CPE: variants seen among roughly 807,000 people sequenced by gnomAD.
CPE encodes carbocypeptidase E.
Under a neutral mutation model 53.5 loss-of-function variants are expected in CPE, and 17 were observed. That is an observed-to-expected ratio of 0.32 (90% CI 0.22 to 0.48). The LOEUF (loss-of-function observed/expected upper bound fraction) is 0.48. Ranked by LOEUF, CPE falls within the 20% of genes least tolerant of loss-of-function variation. CPE has a pLI of 0.99. For missense variants in CPE, 524 were observed against 614.7 expected (o/e 0.85, Z 1.56); for synonymous variants, 226 against 228.8 (o/e 0.99, Z 0.11).
intron 1 of CPE, among the ~76,000 whole-genome samples, chr4:165,435,186 GAT>G (rs1560881287): frequency 6.6e-6 from 1 of 152,098 alleles, no homozygotes; most frequent in Non-Finnish European, 1.5e-5. Context: ...AATGGACTAA[GAT>G]AACATCTTTG....
At chr4:165,427,578 G>A (rs1274983516) in intron 1 of CPE, among the ~76,000 whole-genome samples, 1 of 152,014 alleles carries the variant, frequency 6.6e-6, no homozygotes, top group Non-Finnish European at 1.5e-5. Context: ...ATGGGCATTG[G>A]GTAAGAACCT....
intron 6 of CPE, among the ~76,000 whole-genome samples, chr4:165,489,143 G>A (rs946060210): frequency 2.0e-4 from 31 of 152,314 alleles, no homozygotes; most frequent in African/African-American, 2.9e-4. Context: ...GAGGAGAGCC[G>A]TATTTGGATG....
rs117088084 is a variant in CPE, at chr4:165,423,005, A to G, written c.308-41385A>G. Among the ~76,000 whole-genome samples the G allele has an allele frequency of 6.9e-3, 1,012 of 145,838 alleles. 32 individuals carry two copies. The East Asian group carries it at 0.11, about 15-fold the overall frequency. On this transcript the variant is annotated intron_variant, in intron 1 of 8. Transcript: ENST00000402744. ...AAAAAAAAAAAAAAAAAAGATATACACTGGGTTGGTCCAGAATGGAGGGAC... is the reference window on the plus strand; with the variant it reads ...AAAAAAAAAAAAAAAAAAGATATACGCTGGGTTGGTCCAGAATGGAGGGAC...
intron 1 of CPE, among the ~76,000 whole-genome samples, chr4:165,398,068 A>C (rs936343208): frequency 3.3e-5 from 5 of 151,352 alleles, no homozygotes; most frequent in Non-Finnish European, 5.9e-5. Context: ...AAAAAAAAAA[A>C]AAACAAAACC....
chr4:165,417,239 TA>T (rs35249703), intron 1 of CPE, among the ~76,000 whole-genome samples: 44,846 of 151,736 alleles, frequency 0.3, 7,422 homozygotes, highest in East Asian at 0.53. Context: ...GTTTAGACTT[TA>T]AAAAAAATGA....
chr4:165,436,528 A>G (rs1731504172), intron 1 of CPE, among the ~76,000 whole-genome samples: 1 of 152,190 alleles, frequency 6.6e-6, no homozygotes, highest in African/African-American at 2.4e-5. Flanking sequence ...AAAAACTCAT[A>G]CTATTGTATG....
At chr4:165,479,137 T>G (rs1732356554) in intron 3 of CPE, among the ~76,000 whole-genome samples, 1 of 151,952 alleles carries the variant, frequency 6.6e-6, no homozygotes, top group Non-Finnish European at 1.5e-5. Context: ...TATAGAAGAG[T>G]GTGTTAAACT....
intron 1 of CPE, among the ~76,000 whole-genome samples, chr4:165,390,865 C>G (rs1482451025): frequency 2.0e-5 from 3 of 152,078 alleles, no homozygotes; most frequent in Non-Finnish European, 4.4e-5. Flanking sequence ...GAGGACAACT[C>G]TAGGTTTCTC....
chr4:165,493,128 T>G (rs763836636), intron 6 of CPE, 43 bp from the exon 7 acceptor site: 14 of 1,276,572 alleles, frequency 1.1e-5, no homozygotes, highest in Non-Finnish European at 1.5e-5. Context: ...TTCTATAAAT[T>G]TATAGGTCAT....
chr4:165,441,080 C>G (rs1276432995), intron 1 of CPE, among the ~76,000 whole-genome samples: 2 of 152,154 alleles, frequency 1.3e-5, no homozygotes, highest in Non-Finnish European at 1.5e-5. Context: ...TGACTGCACA[C>G]CTGGACCTTT....
intron 1 of CPE, among the ~76,000 whole-genome samples, chr4:165,381,912 GT>G (rs958302833): frequency 1.3e-5 from 2 of 152,060 alleles, no homozygotes; most frequent in African/African-American, 2.4e-5. Context: ...CTCATTCAGT[GT>G]TTTTTTTGAG....
chr4:165,489,253 G>A (rs933368528), intron 6 of CPE, among the ~76,000 whole-genome samples: 1 of 152,052 alleles, frequency 6.6e-6, no homozygotes. Flanking sequence ...CAAATACAGT[G>A]CTTTTTATTT....
chr4:165,492,191 C>G lies in CPE; in HGVS notation c.1114-980C>G, dbSNP rs192156777. Among the ~76,000 whole-genome samples the G allele has an allele frequency of 2.0e-5, 3 of 152,326 alleles. No individual in the cohort carries two copies. The East Asian group carries it at 5.8e-4, about 29-fold the overall frequency. On this transcript the variant is annotated intron_variant, in intron 6 of 8. Coordinates refer to ENST00000402744, the MANE Select transcript of CPE (RefSeq NM_001873.4). ...TTATTTTCAATGGCAGCTCTCCCAT[C>G]TTCTTTCTAAATCAACATTCTATTT...
intron 1 of CPE, among the ~76,000 whole-genome samples, chr4:165,442,005 C>G (rs921270994): frequency 6.8e-6 from 1 of 146,738 alleles, no homozygotes; most frequent in African/African-American, 2.5e-5. Context: ...TTTCTTCCTA[C>G]AGCAAGACGG....
intron 1 of CPE, among the ~76,000 whole-genome samples, chr4:165,380,688 A>G (rs9999764): frequency 0.57 from 87,259 of 151,984 alleles, 25,981 homozygotes; most frequent in African/African-American, 0.73. Flanking sequence ...GATTAAAATA[A>G]GTGATCAATA....
chr4:165,470,245 G>A (rs1250234670), intron 3 of CPE, among the ~76,000 whole-genome samples: 2 of 152,190 alleles, frequency 1.3e-5, no homozygotes, highest in Non-Finnish European at 2.9e-5. Context: ...TTTGACCTTT[G>A]ACTTGGGGTT....
intron 1 of CPE, among the ~76,000 whole-genome samples, chr4:165,380,429 A>G (rs1730488885): frequency 6.6e-6 from 1 of 152,180 alleles, no homozygotes; most frequent in African/African-American, 2.4e-5. Context: ...TGATGCATTT[A>G]GTATTAATAA....
At chr4:165,406,221 T>G (rs747280991) in intron 1 of CPE, 35 of 662,184 alleles carry the variant, frequency 5.3e-5, no homozygotes, top group Non-Finnish European at 9.2e-5. Flanking sequence ...TTTGACTCCA[T>G]AGTTAATATG....
At chr4:165,385,664 A>T (rs1312064391) in intron 1 of CPE, among the ~76,000 whole-genome samples, 1 of 152,098 alleles carries the variant, frequency 6.6e-6, no homozygotes, top group African/African-American at 2.4e-5. Flanking sequence ...TCAGTTTGAC[A>T]TGATGATGAA....
Sources: allele counts gnomAD v4.1 joint callset (sites outside exome capture counted in the v4.1 genomes callset), GRCh38; gene constraint gnomAD v4.1.1; transcripts MANE v1.5; gene names NCBI Gene and HGNC (gene_info 2026-07-23, HGNC 2026-07-21).